Variants in SGCZ observed in about 807,000 individuals in gnomAD.
SGCZ encodes the protein zeta-sarcoglycan.
SGCZ carries 40 observed loss-of-function variants against 41.3 expected under a neutral mutation model. The observed-to-expected ratio is 0.97, with a 90% CI of 0.75 to 1.26. The LOEUF (loss-of-function observed/expected upper bound fraction) is 1.26. Among genes scored for constraint, SGCZ ranks in the 50% most tolerant of loss-of-function variants. The pLI is 0.00. For missense variants in SGCZ, 552 were observed against 369.8 expected, an observed-to-expected ratio of 1.49 and a Z score of -4.04; for synonymous variants, 206 against 137.5, an observed-to-expected ratio of 1.50 and a Z score of -3.49.
chr8:15,012,582 T>TAACATATAAATATATATTTATAA, intron 1 of SGCZ, among the ~76,000 whole-genome samples: 1 of 106,296 alleles, frequency 9.4e-6, no homozygotes, highest in African/African-American at 2.9e-5. Flanking sequence ...TATATTTATA[T>TAACATATAAATATATATTTATAA]AACATATAAA....
chr8:15,184,903 T>A (rs1368041150), intron 1 of SGCZ, among the ~76,000 whole-genome samples: 1 of 152,054 alleles, frequency 6.6e-6, no homozygotes, highest in Non-Finnish European at 1.5e-5. Context: ...CCACCAAAAT[T>A]CTAGATACAC....
chr8:14,526,586 C>A (rs1326230301), intron 2 of SGCZ, among the ~76,000 whole-genome samples: 1 of 151,902 alleles, frequency 6.6e-6, no homozygotes, highest in Non-Finnish European at 1.5e-5. Flanking sequence ...AATTATTTAC[C>A]TTTGAACAAA....
intron 1 of SGCZ, among the ~76,000 whole-genome samples, chr8:15,209,004 G>C (rs1585676118): frequency 6.6e-6 from 1 of 151,878 alleles, no homozygotes; most frequent in Non-Finnish European, 1.5e-5. Context: ...GAGTTCTTCA[G>C]AGTGGTGTGG....
At chr8:14,474,042 A>G (rs879446826) in intron 2 of SGCZ, among the ~76,000 whole-genome samples, 1 of 152,144 alleles carries the variant, frequency 6.6e-6, no homozygotes, top group African/African-American at 2.4e-5. Flanking sequence ...GTGGGAGGAC[A>G]AGATTGGGGA....
chr8:14,830,729 A>G (rs888599676), intron 1 of SGCZ, among the ~76,000 whole-genome samples: 2 of 152,180 alleles, frequency 1.3e-5, no homozygotes, highest in African/African-American at 4.8e-5. Context: ...CCAGTTGGTT[A>G]TATTACAAGT....
chr8:15,164,904 C>G, intron 1 of SGCZ, among the ~76,000 whole-genome samples: 1 of 152,058 alleles, frequency 6.6e-6, no homozygotes, highest in East Asian at 1.9e-4. Context: ...TGGTTTGATA[C>G]CTGCATGTTT....
At chr8:15,133,059 C>T (rs566190090) in intron 1 of SGCZ, among the ~76,000 whole-genome samples, 1 of 152,166 alleles carries the variant, frequency 6.6e-6, no homozygotes, top group Non-Finnish European at 1.5e-5. Context: ...AGGAGGATGG[C>T]TTCAGCCCAA....
intron 2 of SGCZ, among the ~76,000 whole-genome samples, chr8:14,544,380 C>T (rs531292583): frequency 1.2e-4 from 19 of 152,016 alleles, no homozygotes; most frequent in South Asian, 4.2e-4. Context: ...AGAATAATAG[C>T]GATTTTTATG....
chr8:15,114,647 G>A (rs954394098), intron 1 of SGCZ, among the ~76,000 whole-genome samples: 3 of 152,000 alleles, frequency 2.0e-5, no homozygotes, highest in African/African-American at 7.3e-5. Context: ...CTTGAAGGCA[G>A]AATAGTTACT....
chr8:14,234,790 G>T (rs1157427129), intron 4 of SGCZ, among the ~76,000 whole-genome samples: 1 of 152,104 alleles, frequency 6.6e-6, no homozygotes, highest in African/African-American at 2.4e-5. Context: ...ATTCAAGTAT[G>T]TCTTCAAACT....
chr8:14,330,339 A>T (rs1021089247), intron 2 of SGCZ, among the ~76,000 whole-genome samples: 1 of 152,116 alleles, frequency 6.6e-6, no homozygotes, highest in Admixed American at 6.6e-5. Context: ...TAAATAACAA[A>T]AACTCCAAAA....
chr8:15,019,354 G>A (rs1409089297), intron 1 of SGCZ, among the ~76,000 whole-genome samples: 2 of 152,190 alleles, frequency 1.3e-5, no homozygotes, highest in South Asian at 2.1e-4. Flanking sequence ...AAGGGCAACC[G>A]TGGATCTGTG....
intron 1 of SGCZ, among the ~76,000 whole-genome samples, chr8:15,179,374 T>C (rs1800096289): frequency 6.6e-6 from 1 of 152,154 alleles, no homozygotes; most frequent in Non-Finnish European, 1.5e-5. Flanking sequence ...GAATACAGAT[T>C]TTGTATTTTC....
intron 1 of SGCZ, among the ~76,000 whole-genome samples, chr8:15,217,153 C>T (rs1362571863): frequency 2.0e-5 from 3 of 152,106 alleles, no homozygotes; most frequent in Non-Finnish European, 4.4e-5. Context: ...CGCGGTGGCT[C>T]ACGCCTGTAA....
chr8:14,946,957 A>G (rs1249473038), intron 1 of SGCZ, among the ~76,000 whole-genome samples: 2 of 152,146 alleles, frequency 1.3e-5, no homozygotes, highest in East Asian at 3.9e-4. Flanking sequence ...TACAGGCGTG[A>G]GCCACTGCAC....
intron 1 of SGCZ, among the ~76,000 whole-genome samples, chr8:14,983,192 CTTT>C (rs66885648): frequency 3.0e-5 from 4 of 135,232 alleles, no homozygotes; most frequent in Non-Finnish European, 6.4e-5. Context: ...TTTCTTTTTT[CTTT>C]TTTTTTTTGA....
At chr8:14,841,400 G>A (rs1802905983) in intron 1 of SGCZ, among the ~76,000 whole-genome samples, 1 of 152,042 alleles carries the variant, frequency 6.6e-6, no homozygotes, top group Non-Finnish European at 1.5e-5. Context: ...GGGAAATGTT[G>A]TAATGGGAGG....
At chr8:14,380,358 T>G (rs1804313362) in intron 2 of SGCZ, among the ~76,000 whole-genome samples, 1 of 152,224 alleles carries the variant, frequency 6.6e-6, no homozygotes, top group Non-Finnish European at 1.5e-5. Context: ...TATATTTTTC[T>G]AGTGTTGAAT....
intron 2 of SGCZ, among the ~76,000 whole-genome samples, chr8:14,440,866 C>G (rs1800240342): frequency 6.6e-6 from 1 of 151,248 alleles, no homozygotes; most frequent in Admixed American, 6.6e-5. Flanking sequence ...CACACACACA[C>G]ACACACGCAC....
Sources: allele counts gnomAD v4.1 joint callset (sites outside exome capture counted in the v4.1 genomes callset), GRCh38; gene constraint gnomAD v4.1.1; transcripts MANE v1.5; gene names NCBI Gene and HGNC (gene_info 2026-07-23, HGNC 2026-07-21).